KHDRBS2: variants seen among roughly 807,000 people sequenced by gnomAD.
KHDRBS2 encodes the protein KH domain-containing, RNA-binding, signal transduction-associated protein 2.
Under a neutral mutation model 44.3 loss-of-function variants are expected in KHDRBS2, and 26 were observed. That is an observed-to-expected ratio of 0.59 (90% CI 0.43 to 0.81). KHDRBS2 has a LOEUF of 0.81. KHDRBS2 is among the 40% of genes least tolerant of loss of function. The probability of loss-of-function intolerance (pLI) is 0.00; values close to 1 mark genes in which losing one functional copy is unlikely to be tolerated. For synonymous variants in KHDRBS2, 194 were observed against 151.1 expected (o/e 1.28, Z -2.08); for missense variants, 476 against 433.1 (o/e 1.10, Z -0.88).
intron 2 of KHDRBS2, among the ~76,000 whole-genome samples, chr6:62,169,172 TATATATGTATATATACGTATAC>T (rs1819443204): frequency 8.3e-6 from 1 of 121,044 alleles, no homozygotes; most frequent in Non-Finnish European, 1.6e-5. Flanking sequence ...CACATATATG[TATATATGTATATATACGTATAC>T]ATATATGTAT....
chr6:61,793,583 T>C (rs1421122474), intron 6 of KHDRBS2, among the ~76,000 whole-genome samples: 1 of 152,026 alleles, frequency 6.6e-6, no homozygotes, highest in African/African-American at 2.4e-5. Context: ...TCAAAATAAA[T>C]CAACTAAATA....
chr6:61,932,533 C>T (rs1173639513), intron 4 of KHDRBS2, among the ~76,000 whole-genome samples: 1 of 152,098 alleles, frequency 6.6e-6, no homozygotes, highest in Non-Finnish European at 1.5e-5. Context: ...GGGCACGGTG[C>T]CTCACGCCTG....
intron 6 of KHDRBS2, among the ~76,000 whole-genome samples, chr6:61,741,598 G>A (rs1465732810): frequency 6.6e-6 from 1 of 151,806 alleles, no homozygotes; most frequent in East Asian, 1.9e-4. Flanking sequence ...GGACTCAATA[G>A]GTAGTTTTTC....
At chr6:61,978,018 A>C (rs780455078) in intron 4 of KHDRBS2, 48 bp downstream of exon 4, 4 of 1,491,960 alleles carry the variant, frequency 2.7e-6, no homozygotes. Flanking sequence ...TGCATTTTAA[A>C]ATAGAAGCTG....
chr6:61,690,018 A>G (rs1767219564), intron 8 of KHDRBS2, among the ~76,000 whole-genome samples: 1 of 151,986 alleles, frequency 6.6e-6, no homozygotes, highest in East Asian at 1.9e-4. Context: ...ATACTTAGCA[A>G]ATATGCCATC....
chr6:61,904,284 T>G (rs1804578286), intron 4 of KHDRBS2, among the ~76,000 whole-genome samples: 1 of 152,162 alleles, frequency 6.6e-6, no homozygotes, highest in Admixed American at 6.5e-5. Flanking sequence ...TGCTCACCAA[T>G]TCAACTGCAT....
intron 5 of KHDRBS2, among the ~76,000 whole-genome samples, chr6:61,898,801 T>C (rs904383283): frequency 6.6e-5 from 10 of 151,946 alleles, no homozygotes; most frequent in African/African-American, 2.4e-4. Flanking sequence ...ATATACCAAC[T>C]ATCATACTTA....
At chr6:61,593,797 T>C in the KHDRBS2 span, among the ~76,000 whole-genome samples, 3 of 152,102 alleles carry the variant, frequency 2.0e-5, no homozygotes, top group Admixed American at 2.0e-4. Flanking sequence ...CAAAATATCT[T>C]GAGTTTCCTG....
At chr6:62,095,010 T>C (rs1289574456) in intron 2 of KHDRBS2, among the ~76,000 whole-genome samples, 1 of 152,030 alleles carries the variant, frequency 6.6e-6, no homozygotes, top group East Asian at 1.9e-4. Flanking sequence ...ACCAGCTTTG[T>C]TGTTTTTGCT....
At chr6:61,785,212 G>A (rs1238741920) in intron 6 of KHDRBS2, among the ~76,000 whole-genome samples, 1 of 151,638 alleles carries the variant, frequency 6.6e-6, no homozygotes, top group Non-Finnish European at 1.5e-5. Context: ...AAACAAAAAA[G>A]AGGGAAGAGT....
intron 2 of KHDRBS2, among the ~76,000 whole-genome samples, chr6:62,090,761 G>T (rs747698864): frequency 6.6e-5 from 10 of 152,052 alleles, no homozygotes; most frequent in Non-Finnish European, 1.5e-4. Context: ...CTTCATTTAA[G>T]TGTAATTTTT....
the KHDRBS2 span, among the ~76,000 whole-genome samples, chr6:61,557,272 T>C: frequency 6.6e-6 from 1 of 152,178 alleles, no homozygotes; most frequent in African/African-American, 2.4e-5. Flanking sequence ...TCACAGATAT[T>C]ATCTTACATT....
intron 4 of KHDRBS2, among the ~76,000 whole-genome samples, chr6:61,935,377 C>T (rs553315397): frequency 1.8e-4 from 28 of 152,244 alleles, no homozygotes; most frequent in Non-Finnish European, 3.4e-4. Flanking sequence ...GAAATAATGG[C>T]TAAGGGATAT....
At chr6:61,641,148 T>C in the KHDRBS2 span, among the ~76,000 whole-genome samples, 4 of 152,154 alleles carry the variant, frequency 2.6e-5, no homozygotes, top group African/African-American at 7.2e-5. Context: ...ACCTCCATTT[T>C]CCTATGGATT....
intron 1 of KHDRBS2, among the ~76,000 whole-genome samples, chr6:62,197,517 AT>A (rs1825949198): frequency 6.6e-6 from 1 of 152,122 alleles, no homozygotes; most frequent in Non-Finnish European, 1.5e-5. Flanking sequence ...AAGACATGCT[AT>A]TTGCCAATTC....
At chr6:61,878,880 T>G (rs9345656) in intron 6 of KHDRBS2, among the ~76,000 whole-genome samples, 62,748 of 151,830 alleles carry the variant, frequency 0.41, 13,171 homozygotes, top group Admixed American at 0.49. Flanking sequence ...ATATGGTTGC[T>G]GTAAAATTAA....
the KHDRBS2 span, among the ~76,000 whole-genome samples, chr6:61,579,731 A>G: frequency 6.6e-6 from 1 of 152,156 alleles, no homozygotes; most frequent in Admixed American, 6.6e-5. Flanking sequence ...GTGATCTTCT[A>G]TTAATCCCCT....
At chr6:61,817,830 A>G (rs1789226560) in intron 6 of KHDRBS2, among the ~76,000 whole-genome samples, 2 of 151,620 alleles carry the variant, frequency 1.3e-5, no homozygotes, top group Admixed American at 6.6e-5. Context: ...TGGAAAACCA[A>G]TTAACTCTGG....
At chr6:61,726,080 C>T (rs576139408) in intron 7 of KHDRBS2, among the ~76,000 whole-genome samples, 2 of 152,246 alleles carry the variant, frequency 1.3e-5, no homozygotes, top group African/African-American at 2.4e-5. Context: ...TCCAGCAGCA[C>T]ATCAAAAAAC....
Sources: allele counts gnomAD v4.1 joint callset (sites outside exome capture counted in the v4.1 genomes callset), GRCh38; gene constraint gnomAD v4.1.1; transcripts MANE v1.5; gene names NCBI Gene and HGNC (gene_info 2026-07-23, HGNC 2026-07-21).